Variants in ASTN1 observed in about 807,000 individuals in gnomAD.
ASTN1 encodes the protein astrotactin-1.
A neutral mutation model predicts 140.7 loss-of-function variants in ASTN1; 41 were observed. The observed-to-expected ratio is 0.29, with a 90% CI of 0.23 to 0.38. The LOEUF (loss-of-function observed/expected upper bound fraction) is 0.38. Among genes scored for constraint, ASTN1 ranks in the 10% least tolerant of loss-of-function variants. The pLI, the probability that ASTN1 is intolerant of heterozygous loss-of-function variation, is 1.00. For missense variants in ASTN1, 1,479 were observed against 1,678.8 expected, an observed-to-expected ratio of 0.88 and a Z score of 2.08; for synonymous variants, 640 against 652.2, an observed-to-expected ratio of 0.98 and a Z score of 0.29.
chr1:176,957,861 G>T, intron 10 of ASTN1, 33 bp from the exon 11 acceptor site: 1 of 1,605,718 alleles, frequency 6.2e-7, no homozygotes, highest in Non-Finnish European at 8.5e-7. Flanking sequence ...GCAGGGAGGA[G>T]TCAAGGAGAT....
In ASTN1 at chr1:176,861,068, G is replaced by A. The variant is rs1303684148; in HGVS notation, c.*3216C>T. Reference sequence around the variant, plus strand: ...AAGACACAACATCCACATACCCAATGCTTACTAATAGCTTTGTTTTATTAT... The same window carrying A: ...AAGACACAACATCCACATACCCAATACTTACTAATAGCTTTGTTTTATTAT... On this transcript the variant is annotated 3_prime_UTR_variant, in exon 23 of 23. Transcript: ENST00000361833. 3.2e-6 allele frequency: 3 copies of A among 949,046 alleles called. No individual in the cohort carries two copies. Among genetic ancestry groups the A allele is most frequent in the East Asian group, 2.3e-4 (2 of 8,628 alleles). 58.8% of individuals were successfully genotyped at this position (949,046 alleles called of 1,614,324 possible). A position where few individuals can be genotyped will look rare whatever the true frequency, so the allele number is the denominator to read the frequency against.
At chr1:177,075,651 T>C (rs1236123232) in intron 1 of ASTN1, among the ~76,000 whole-genome samples, 37 of 144,180 alleles carry the variant, frequency 2.6e-4, no homozygotes, top group Middle Eastern at 3.4e-3. Context: ...TTTTCTTTTT[T>C]TTTTTTTTTT....
intron 16 of ASTN1, among the ~76,000 whole-genome samples, chr1:176,897,308 A>C (rs2103042255): frequency 6.6e-6 from 1 of 151,126 alleles, no homozygotes; most frequent in African/African-American, 2.4e-5. Flanking sequence ...GGCAGTAAGT[A>C]AAATCCCGGC....
rs1197142739 is a variant in ASTN1, at chr1:176,863,947, TG to T, written c.*336del. On this transcript the variant is annotated 3_prime_UTR_variant, in exon 23 of 23. Transcript: ENST00000361833. ...GGGTGCCTACTTAATAGACTTTTCA[TG>T]GGGAGCACGGCAGAGCTCTTGAGCA... The T allele has an allele frequency of 9.2e-7, 1 of 1,089,642 alleles. No individual in the cohort carries two copies. The highest frequency in any genetic ancestry group is 1.6e-5 in the African/African-American group (1 of 60,714). 67.5% of individuals were successfully genotyped at this position (1,089,642 alleles called of 1,614,324 possible).
At chr1:177,087,831 T>C (rs1679554023) in intron 1 of ASTN1, among the ~76,000 whole-genome samples, 1 of 152,226 alleles carries the variant, frequency 6.6e-6, no homozygotes, top group African/African-American at 2.4e-5. Flanking sequence ...GCGTCCCCGC[T>C]GCTGCTGTTA....
rs1441051210 is a variant in ASTN1 at position 176,862,357 on chromosome 1, G to A, written c.*1927C>T. ...AGGCTTCCTTCCCAGTCATGAGGGTGGGGAGGAGGGCCATGTGCAGTGGAA... is the reference window on the plus strand; with the variant it reads ...AGGCTTCCTTCCCAGTCATGAGGGTAGGGAGGAGGGCCATGTGCAGTGGAA... On this transcript the variant is annotated 3_prime_UTR_variant, in exon 23 of 23. Coordinates refer to ENST00000361833, the MANE Select transcript of ASTN1 (RefSeq NM_004319.3). 2.0e-6 allele frequency: 2 copies of A among 985,378 alleles called. No individual in the cohort carries two copies. Among genetic ancestry groups the A allele is most frequent in the Admixed American group, 6.1e-5 (1 of 16,266 alleles). The allele number at this position is 985,378 out of a possible 1,614,324, so 61.0% of individuals were successfully genotyped here.
intron 8 of ASTN1, among the ~76,000 whole-genome samples, chr1:176,965,548 T>C (rs960529986): frequency 4.6e-5 from 7 of 152,240 alleles, no homozygotes; most frequent in African/African-American, 1.7e-4. Flanking sequence ...GTCCTTTAGA[T>C]ATAGATTCAC....
At chr1:177,049,094 GT>G (rs1677397645) in intron 2 of ASTN1, among the ~76,000 whole-genome samples, 1 of 152,336 alleles carries the variant, frequency 6.6e-6, no homozygotes, top group African/African-American at 2.4e-5. Context: ...ATGGAAGAAA[GT>G]TTTTTCATGC....
intron 1 of ASTN1, among the ~76,000 whole-genome samples, chr1:177,163,485 T>C (rs1300950105): frequency 1.3e-5 from 2 of 152,020 alleles, no homozygotes; most frequent in African/African-American, 2.4e-5. Flanking sequence ...CAGGGATGAT[T>C]TGAAGTAATG....
intron 2 of ASTN1, among the ~76,000 whole-genome samples, chr1:177,050,184 A>G (rs1677468958): frequency 6.6e-6 from 1 of 152,198 alleles, no homozygotes; most frequent in African/African-American, 2.4e-5. Context: ...TCCTCAGACA[A>G]GATGCAGACA....
At chr1:176,972,401 G>T (rs1209541444) in intron 8 of ASTN1, among the ~76,000 whole-genome samples, 3 of 152,160 alleles carry the variant, frequency 2.0e-5, no homozygotes, top group Non-Finnish European at 2.9e-5. Context: ...GGAGCCACAG[G>T]GTTGTTGAGT....
intron 1 of ASTN1, among the ~76,000 whole-genome samples, chr1:177,104,764 C>T (rs1017307785): frequency 6.6e-5 from 10 of 152,168 alleles, no homozygotes; most frequent in African/African-American, 1.2e-4. Context: ...GTCTCAGCTC[C>T]GACACCAGCT....
intron 8 of ASTN1, among the ~76,000 whole-genome samples, chr1:177,007,111 T>C (rs1461132446): frequency 6.6e-6 from 1 of 152,104 alleles, no homozygotes; most frequent in Non-Finnish European, 1.5e-5. Context: ...TAATAAAAGG[T>C]GCCAGGTGCG....
At chr1:176,963,049 C>A (rs994290734) in intron 9 of ASTN1, among the ~76,000 whole-genome samples, 6 of 152,066 alleles carry the variant, frequency 3.9e-5, no homozygotes, top group Non-Finnish European at 8.8e-5. Context: ...AGGGTATGAG[C>A]AAATGAGCAG....
intron 2 of ASTN1, among the ~76,000 whole-genome samples, chr1:177,033,706 C>T (rs1676569720): frequency 1.3e-5 from 2 of 152,174 alleles, no homozygotes; most frequent in Non-Finnish European, 2.9e-5. Flanking sequence ...AACCCAAGTC[C>T]TGGAGTCAGG....
intron 16 of ASTN1, among the ~76,000 whole-genome samples, chr1:176,895,283 T>C (rs955334661): frequency 8.5e-5 from 13 of 152,346 alleles, no homozygotes; most frequent in African/African-American, 3.1e-4. Context: ...ATCATCATAA[T>C]AGTTTTAATT....
At chr1:176,963,454 T>C (rs1466596549) in intron 9 of ASTN1, among the ~76,000 whole-genome samples, 1 of 152,144 alleles carries the variant, frequency 6.6e-6, no homozygotes, top group African/African-American at 2.4e-5. Context: ...GTTATTTCCA[T>C]GTTAGGGATA....
intron 2 of ASTN1, among the ~76,000 whole-genome samples, chr1:177,051,782 G>A (rs1173060193): frequency 6.6e-6 from 1 of 152,150 alleles, no homozygotes; most frequent in African/African-American, 2.4e-5. Flanking sequence ...TCTTACATCA[G>A]TGCTGGCCAT....
chr1:176,927,712 A>G (rs1021910235), intron 16 of ASTN1, among the ~76,000 whole-genome samples: 1 of 152,206 alleles, frequency 6.6e-6, no homozygotes, highest in Non-Finnish European at 1.5e-5. Context: ...ACGTGGTCAT[A>G]TCACTTTGTA....
Sources: gnomAD v4.1 joint callset for allele counts (sites outside exome capture counted in the v4.1 genomes callset) on GRCh38, gnomAD v4.1.1 for gene constraint, MANE v1.5 for transcripts, NCBI Gene and HGNC (gene_info 2026-07-23, HGNC 2026-07-21) for gene names.